Variants in MRPS6 observed in about 807,000 individuals in gnomAD.
MRPS6 encodes small ribosomal subunit protein bS6m.
A neutral mutation model predicts 13.1 loss-of-function variants in MRPS6; 6 were observed. The observed-to-expected ratio is 0.46, with a 90% CI of 0.25 to 0.91. MRPS6 has a LOEUF of 0.91. MRPS6 is among the 40% of genes least tolerant of loss of function. The probability of loss-of-function intolerance (pLI) is 0.18; values close to 1 mark genes in which losing one functional copy is unlikely to be tolerated. For synonymous variants in MRPS6, 61 were observed against 56.5 expected (o/e 1.08, Z -0.36); for missense variants, 164 against 155.6 (o/e 1.05, Z -0.29).
intron 1 of MRPS6, chr21:34,099,212 C>T: frequency 1.0e-6 from 1 of 999,960 alleles, no homozygotes. Context: ...CAATTTTATT[C>T]TTGAGGTTTA....
At chr21:34,128,773 C>G (rs2123260608) in intron 2 of MRPS6, among the ~76,000 whole-genome samples, 1 of 152,326 alleles carries the variant, frequency 6.6e-6, no homozygotes, top group Middle Eastern at 3.4e-3. Flanking sequence ...GCGTGTTCAG[C>G]TGAGGACCAT....
chr21:34,135,956 C>T (rs1569425944), intron 2 of MRPS6: 2 of 392,738 alleles, frequency 5.1e-6, no homozygotes, highest in South Asian at 5.7e-5. Context: ...AGGGAAATGT[C>T]ACTGATCTGC....
At chr21:34,083,864 T>A (rs767800518) in intron 1 of MRPS6, among the ~76,000 whole-genome samples, 6 of 152,162 alleles carry the variant, frequency 3.9e-5, no homozygotes, top group Non-Finnish European at 7.4e-5. Flanking sequence ...TTTATCTGAT[T>A]AGGATGGACT....
chr21:34,134,199 C>T (rs1980606239), intron 2 of MRPS6, among the ~76,000 whole-genome samples: 2 of 152,172 alleles, frequency 1.3e-5, no homozygotes, highest in South Asian at 4.1e-4. Flanking sequence ...ACCCTATTAC[C>T]TGCTATATGG....
rs910248109 is a variant in MRPS6, at chr21:34,104,454, T to C, written c.46-20887T>C. On this transcript the variant is annotated intron_variant, in intron 1 of 2. Coordinates refer to ENST00000399312, the MANE Select transcript of MRPS6 (RefSeq NM_032476.4). ...TTTGCCCATGTGTTAAAAGATGTAA[T>C]TCTCAGAATGGGAGAGAAATGACTA... 1.1e-5 allele frequency: 11 copies of C among 999,554 alleles called. No individual in the cohort carries two copies. The African/African-American group carries it at 1.9e-4, about 17-fold the overall frequency. 61.9% of individuals were successfully genotyped at this position (999,554 alleles called of 1,614,324 possible).
intron 2 of MRPS6, among the ~76,000 whole-genome samples, chr21:34,138,036 T>C (rs1980768511): frequency 6.6e-6 from 1 of 152,164 alleles, no homozygotes; most frequent in Non-Finnish European, 1.5e-5. Flanking sequence ...TGTGTATTCT[T>C]GAGGGACATT....
Position 34,096,983 on chromosome 21 carries a change from T to C in MRPS6, c.45+23238T>C, listed in dbSNP as rs1312390397. ...CCAACGGGAAATCTGAAGACAGCATTAAGGGCCTTCAGCCTGAAGATGTTA... is the reference window on the plus strand; with the variant it reads ...CCAACGGGAAATCTGAAGACAGCATCAAGGGCCTTCAGCCTGAAGATGTTA... On this transcript the variant is annotated intron_variant, in intron 1 of 2. Transcript: ENST00000399312. This position sits in a 1 kb window ranked among gnomAD's most constrained non-coding sequence, Gnocchi z 5.9. 3.1e-6 allele frequency: 5 copies of C among 1,613,906 alleles called. No individual in the cohort carries two copies. The highest frequency in any genetic ancestry group is 3.4e-6 in the Non-Finnish European group (4 of 1,179,984).
At chr21:34,073,932 C>T (rs960965264) in intron 1 of MRPS6, among the ~76,000 whole-genome samples, 187 bp downstream of exon 1, 2 of 145,118 alleles carry the variant, frequency 1.4e-5, no homozygotes, top group African/African-American at 2.5e-5. Context: ...CGGGCCCGGC[C>T]GCGTGCGCGC....
intron 1 of MRPS6, among the ~76,000 whole-genome samples, chr21:34,078,114 C>G (rs1286953540): frequency 2.0e-5 from 3 of 152,098 alleles, no homozygotes; most frequent in African/African-American, 7.2e-5. Flanking sequence ...GACATCAGTT[C>G]AAACGGAAAC....
intron 1 of MRPS6, among the ~76,000 whole-genome samples, chr21:34,093,207 G>T (rs62212118): frequency 1.3e-5 from 2 of 151,084 alleles, no homozygotes; most frequent in Admixed American, 1.3e-4. Flanking sequence ...GATTTGGCAG[G>T]TATGAAGTGA....
At chr21:34,078,971 A>G (rs1236520277) in intron 1 of MRPS6, among the ~76,000 whole-genome samples, 3 of 152,260 alleles carry the variant, frequency 2.0e-5, no homozygotes, top group African/African-American at 7.2e-5. Context: ...TCCTTACTTA[A>G]GGAATTAGTC....
intron 1 of MRPS6, chr21:34,101,174 T>C: frequency 3.0e-6 from 3 of 1,000,164 alleles, no homozygotes; most frequent in South Asian, 9.4e-5. Flanking sequence ...GACACAGATA[T>C]TAGCCCGTTG....
chr21:34,101,288 C>T, intron 1 of MRPS6: 1 of 1,000,136 alleles, frequency 1.0e-6, no homozygotes, highest in Non-Finnish European at 1.2e-6. Context: ...AAACTCCTCC[C>T]CATATAAATC....
At chr21:34,135,725 G>A (rs568079369) in intron 2 of MRPS6, 6 of 419,030 alleles carry the variant, frequency 1.4e-5, no homozygotes, top group East Asian at 1.2e-4. Context: ...ACCTGGAGGT[G>A]AGGGTTCTCG....
At chr21:34,110,828 A>G (rs2148664623) in intron 1 of MRPS6, among the ~76,000 whole-genome samples, 1 of 152,338 alleles carries the variant, frequency 6.6e-6, no homozygotes, top group East Asian at 1.9e-4. Context: ...AACAGTGATA[A>G]CATTGTGCTC....
chr21:34,111,864 GCTGTA>G (rs1199243920), intron 1 of MRPS6, among the ~76,000 whole-genome samples: 2 of 140,828 alleles, frequency 1.4e-5, no homozygotes, highest in African/African-American at 2.6e-5. Context: ...TTTTTTTGTT[GCTGTA>G]TTGTTCCCCA....
intron 1 of MRPS6, among the ~76,000 whole-genome samples, chr21:34,116,214 G>GTGTA (rs752826711): frequency 1.1e-3 from 153 of 145,470 alleles, no homozygotes; most frequent in African/African-American, 3.7e-3. Flanking sequence ...GTGTGTGTGT[G>GTGTA]TGTATGTGTG....
rs927212757 is a variant in MRPS6, at chr21:34,098,889, C to G, written c.45+25144C>G. On this transcript the variant is annotated intron_variant, in intron 1 of 2. Coordinates refer to ENST00000399312, the MANE Select transcript of MRPS6 (RefSeq NM_032476.4). The stretch of plus-strand genomic sequence containing the variant: ...AAATTATGTATGTACTTTCTTTGAC[C>G]TTCTTTAATCTCTGATACTTTTTAG... 79 of 998,318 alleles carry G rather than the reference C, an allele frequency of 7.9e-5. No individual in the cohort carries two copies. In the African/African-American group the frequency reaches 1.4e-3, roughly 17 times the overall value. 61.8% of individuals were successfully genotyped at this position (998,318 alleles called of 1,614,324 possible). A position where few individuals can be genotyped will look rare whatever the true frequency, so the allele number is the denominator to read the frequency against.
At chr21:34,108,739 G>T (rs1347403407) in intron 1 of MRPS6, among the ~76,000 whole-genome samples, 1 of 152,180 alleles carries the variant, frequency 6.6e-6, no homozygotes, top group East Asian at 1.9e-4. Flanking sequence ...GCTGAATGTA[G>T]AATTCTGGGT....
Sources: gnomAD v4.1 joint callset for allele counts (sites outside exome capture counted in the v4.1 genomes callset) on GRCh38, gnomAD v4.1.1 for gene constraint, Gnocchi (gnomAD v3.1) non-coding constraint, MANE v1.5 for transcripts, NCBI Gene and HGNC (gene_info 2026-07-23, HGNC 2026-07-21) for gene names.